The following LRRC4C variants were observed in gnomAD, a reference collection of about 807,000 sequenced individuals.
LRRC4C encodes leucine-rich repeat-containing protein 4C.
In LRRC4C, 5 loss-of-function variants were observed where a neutral mutation model predicts 33.6. That is an observed-to-expected ratio of 0.15 (90% CI 0.08 to 0.31). The LOEUF (loss-of-function observed/expected upper bound fraction) is 0.31. Ranked by LOEUF, LRRC4C falls within the 10% of genes least tolerant of loss-of-function variation. The pLI is 1.00. For missense variants in LRRC4C, 560 were observed against 796.7 expected, an observed-to-expected ratio of 0.70 and a Z score of 3.58; for synonymous variants, 329 against 302.0, an observed-to-expected ratio of 1.09 and a Z score of -0.93.
At chr11:40,382,051 G>A (rs971512956) in intron 3 of LRRC4C, among the ~76,000 whole-genome samples, 1 of 141,624 alleles carries the variant, frequency 7.1e-6, no homozygotes, top group Non-Finnish European at 1.5e-5. Context: ...CCGCCTCCCG[G>A]GTTCACGCCA....
rs940062794 is a variant in LRRC4C at position 41,245,353 on chromosome 11, C to T, written c.-496+214078G>A. ...TCAAGGGTGAGCCAGGCATGGAGCA[C>T]GAAACAGCGAGGGGTGTGTAAGTGA... On this transcript the variant is annotated intron_variant, in intron 1 of 6. Coordinates refer to ENST00000528697, the MANE Select transcript of LRRC4C (RefSeq NM_001258419.2). Among the ~76,000 whole-genome samples, 8 of 152,190 alleles carry T rather than the reference C, an allele frequency of 5.3e-5. 1 individual carries two copies. The highest frequency in any genetic ancestry group is 3.9e-4 in the East Asian group (2 of 5,144).
chr11:41,196,321 A>G (rs901763989), intron 1 of LRRC4C, among the ~76,000 whole-genome samples: 29 of 152,068 alleles, frequency 1.9e-4, no homozygotes, highest in African/African-American at 6.8e-4. Flanking sequence ...TTACTAATCA[A>G]CTAGACTAGC....
At chr11:40,329,750 T>C (rs1355302760) in intron 3 of LRRC4C, among the ~76,000 whole-genome samples, 2 of 149,490 alleles carry the variant, frequency 1.3e-5, no homozygotes, top group African/African-American at 2.5e-5. Flanking sequence ...TTTTTTTTTT[T>C]TTTTTTTTTG....
intron 1 of LRRC4C, among the ~76,000 whole-genome samples, chr11:40,948,098 G>A (rs1430232304): frequency 1.3e-5 from 2 of 151,944 alleles, no homozygotes; most frequent in Admixed American, 6.6e-5. Flanking sequence ...TTCTTAAATG[G>A]CTCAAAGGAA....
intron 3 of LRRC4C, among the ~76,000 whole-genome samples, chr11:40,533,698 A>G (rs906962592): frequency 6.6e-6 from 1 of 152,128 alleles, no homozygotes; most frequent in East Asian, 1.9e-4. Context: ...CTCAACGTCA[A>G]TCACATGTGA....
intron 3 of LRRC4C, among the ~76,000 whole-genome samples, chr11:40,517,898 G>A (rs966807672): frequency 1.3e-5 from 2 of 152,080 alleles, no homozygotes; most frequent in African/African-American, 4.8e-5. Context: ...GCATGGTACT[G>A]GTACCAAAAC....
At chr11:40,692,077 T>C (rs1945242799) in intron 2 of LRRC4C, among the ~76,000 whole-genome samples, 1 of 152,028 alleles carries the variant, frequency 6.6e-6, no homozygotes, top group Admixed American at 6.6e-5. Flanking sequence ...TCCATGCAGG[T>C]GAGTTACAAC....
At chr11:40,741,771 A>G (rs1404402681) in intron 2 of LRRC4C, among the ~76,000 whole-genome samples, 1 of 152,052 alleles carries the variant, frequency 6.6e-6, no homozygotes, top group Non-Finnish European at 1.5e-5. Context: ...ATTTAATCAC[A>G]ATTTAGAATG....
intron 4 of LRRC4C, among the ~76,000 whole-genome samples, chr11:40,290,299 G>A (rs11035768): frequency 0.37 from 55,946 of 151,914 alleles, 10,579 homozygotes; most frequent in Admixed American, 0.42. Context: ...GCAAACGAAT[G>A]CAAAAAAAGT....
At chr11:40,690,071 C>T (rs1945156112) in intron 2 of LRRC4C, among the ~76,000 whole-genome samples, 1 of 152,032 alleles carries the variant, frequency 6.6e-6, no homozygotes, top group Admixed American at 6.6e-5. Context: ...AAGGTTGCAC[C>T]CAGCTTAGAC....
chr11:40,690,506 A>G (rs999695520), intron 2 of LRRC4C, among the ~76,000 whole-genome samples: 1 of 152,100 alleles, frequency 6.6e-6, no homozygotes, highest in Non-Finnish European at 1.5e-5. Context: ...TATAGGCGAA[A>G]AAACAGAAAG....
intron 5 of LRRC4C, among the ~76,000 whole-genome samples, chr11:40,148,104 T>C (rs1857896945): frequency 6.6e-6 from 1 of 152,232 alleles, no homozygotes; most frequent in African/African-American, 2.4e-5. Context: ...CCACATTTTC[T>C]TTATCCAATC....
rs140071641 is a variant in LRRC4C, at chr11:40,782,465, A to C, written c.-406-134187T>G. 3.6e-3 allele frequency among the ~76,000 whole-genome samples: 548 copies of C among 151,702 alleles called. 4 individuals are homozygous for C. Among genetic ancestry groups the C allele is most frequent in the African/African-American group, 0.013 (522 of 41,332 alleles). On this transcript the variant is annotated intron_variant, in intron 2 of 6. Coordinates refer to ENST00000528697, the MANE Select transcript of LRRC4C (RefSeq NM_001258419.2). ...GCATACTTTTTTTTTTTTTCTAGGA[A>C]CTATAGCATCTTTATTAGCAGCCAC...
intron 3 of LRRC4C, among the ~76,000 whole-genome samples, chr11:40,477,000 T>G (rs1953269383): frequency 6.6e-6 from 1 of 152,198 alleles, no homozygotes; most frequent in South Asian, 2.1e-4. Context: ...CTTTTTCATC[T>G]CTTTCCTTTT....
At chr11:41,094,935 C>T (rs1218208256) in intron 1 of LRRC4C, among the ~76,000 whole-genome samples, 5 of 152,124 alleles carry the variant, frequency 3.3e-5, no homozygotes, top group Non-Finnish European at 7.4e-5. Flanking sequence ...CTTTAAAATA[C>T]ATCTCTGACT....
chr11:40,263,463 CATT>C (rs1170701941), intron 4 of LRRC4C, among the ~76,000 whole-genome samples: 2 of 152,122 alleles, frequency 1.3e-5, no homozygotes, highest in Non-Finnish European at 2.9e-5. Flanking sequence ...TCATCCTTCA[CATT>C]ATATCCTACA....
intron 1 of LRRC4C, among the ~76,000 whole-genome samples, chr11:41,138,246 G>A (rs1193440691): frequency 1.3e-5 from 2 of 152,242 alleles, no homozygotes; most frequent in Admixed American, 1.3e-4. Flanking sequence ...CAGATGACCA[G>A]TCAAGTTTCA....
At chr11:40,589,409 G>A (rs1025787173) in intron 3 of LRRC4C, among the ~76,000 whole-genome samples, 3 of 152,176 alleles carry the variant, frequency 2.0e-5, no homozygotes, top group African/African-American at 7.2e-5. Flanking sequence ...ACAGCACACT[G>A]ATGGGTCTTG....
At chr11:41,115,889 C>T (rs1256560831) in intron 1 of LRRC4C, among the ~76,000 whole-genome samples, 2 of 152,040 alleles carry the variant, frequency 1.3e-5, no homozygotes, top group African/African-American at 4.8e-5. Flanking sequence ...TGCCTCCTAG[C>T]TAGCAAGGTT....
Sources: gnomAD v4.1 joint callset for allele counts (sites outside exome capture counted in the v4.1 genomes callset) on GRCh38, gnomAD v4.1.1 for gene constraint, MANE v1.5 for transcripts, NCBI Gene and HGNC (gene_info 2026-07-23, HGNC 2026-07-21) for gene names.